Variants in TOX4 observed in about 807,000 individuals in gnomAD.
TOX4 encodes epidermal Langerhans cell protein LCP1.
TOX4 carries 12 observed loss-of-function variants against 61.0 expected under a neutral mutation model. The observed-to-expected ratio is 0.20, with a 90% CI of 0.13 to 0.32. The LOEUF is 0.32. Ranked by LOEUF, TOX4 falls within the 10% of genes least tolerant of loss-of-function variation. TOX4 has a pLI of 1.00. For missense variants in TOX4, 499 were observed against 753.3 expected, an observed-to-expected ratio of 0.66 and a Z score of 3.95; for synonymous variants, 268 against 274.8, an observed-to-expected ratio of 0.98 and a Z score of 0.24.
intron 7 of TOX4, 131 bp downstream of exon 7, chr14:21,493,388 G>C: frequency 1.1e-6 from 1 of 949,538 alleles, no homozygotes; most frequent in Non-Finnish European, 1.5e-6. Context: ...TCCTGCAGAT[G>C]GGAGTTCCTT....
chr14:21,495,526 C>T (rs1181702203), intron 8 of TOX4, 134 bp downstream of exon 8: 1 of 1,021,352 alleles, frequency 9.8e-7, no homozygotes, highest in Non-Finnish European at 1.4e-6. Context: ...ATCTGGTCTA[C>T]TAGAAAAGCT....
chr14:21,487,794 T>A lies in TOX4; in HGVS notation c.318+101T>A, dbSNP rs75016735. 504 of 1,355,310 alleles carry A rather than the reference T, an allele frequency of 3.7e-4. 1 individual carries two copies. The African/African-American group carries it at 3.7e-3, about 10-fold the overall frequency. 84.0% of individuals were successfully genotyped at this position (1,355,310 alleles called of 1,614,324 possible). ...CTGCTACACTTGGGTATTACTTGTTTCTCTTCTTGTGGCTAAAGGCTCACC... is the reference window on the plus strand; with the variant it reads ...CTGCTACACTTGGGTATTACTTGTTACTCTTCTTGTGGCTAAAGGCTCACC... On this transcript the variant is annotated intron_variant, in intron 3 of 8. Transcript: ENST00000448790.
chr14:21,480,224 TTATAA>T (rs200704228), intron 2 of TOX4, among the ~76,000 whole-genome samples: 2,359 of 152,272 alleles, frequency 0.015, 16 homozygotes, highest in Middle Eastern at 0.024. Context: ...ACAAGTAATA[TTATAA>T]TAAAAAAGAA....
Position 21,488,833 on chromosome 14 carries a change from GT to G in TOX4, c.564del (p.Glu189ArgfsTer96). ...SPTSSLHEDG[V>X]EDFRRQLPSQ... Reference sequence around the variant, plus strand: ...TACTAGTTCACTTCACGAGGATGGTGTTGAGGATTTCCGGAGGGTGAGGCAT... The same window carrying G: ...TACTAGTTCACTTCACGAGGATGGTGTGAGGATTTCCGGAGGGTGAGGCAT... On this transcript the variant is annotated frameshift_variant, in exon 4 of 9. Coordinates refer to ENST00000448790, the MANE Select transcript of TOX4 (RefSeq NM_014828.4). LOFTEE classifies it high-confidence loss of function. 1.9e-6 allele frequency: 3 copies of G among 1,614,018 alleles called. No individual in the cohort carries two copies. The highest frequency in any genetic ancestry group is 2.5e-6 in the Non-Finnish European group (3 of 1,179,862).
At chr14:21,487,917 T>C in intron 3 of TOX4, 1 of 474,448 alleles carries the variant, frequency 2.1e-6, no homozygotes. Flanking sequence ...GGTTTGAAAA[T>C]TATTTATTGT....
intron 5 of TOX4, among the ~76,000 whole-genome samples, chr14:21,491,656 C>T (rs1891293016): frequency 6.6e-6 from 1 of 150,810 alleles, no homozygotes; most frequent in Admixed American, 6.6e-5. Context: ...AGCCACCGCA[C>T]CTGGCAGATT....
chr14:21,495,400 T>A lies in TOX4; in HGVS notation c.1805+8T>A. The stretch of plus-strand genomic sequence containing the variant: ...TGTGGTGAAGCACTGCAGGTGAGCT[T>A]ACAGTTCTCCCTTTTATAATTCAGC... On this transcript the variant is annotated splice_region_variant and intron_variant, in intron 8 of 8. Transcript: ENST00000448790. 6.2e-7 allele frequency: 1 copy of A among 1,609,022 alleles called. No individual in the cohort carries two copies. The highest frequency in any genetic ancestry group is 8.5e-7 in the Non-Finnish European group (1 of 1,177,140).
chr14:21,483,419 A>G (rs1802969806), intron 2 of TOX4, among the ~76,000 whole-genome samples: 1 of 144,520 alleles, frequency 6.9e-6, no homozygotes, highest in South Asian at 2.1e-4. Context: ...AGAATTTGGT[A>G]AAAATCTTTG....
intron 2 of TOX4, chr14:21,482,722 G>T: frequency 6.9e-6 from 2 of 289,906 alleles, no homozygotes; most frequent in South Asian, 3.1e-5. Flanking sequence ...AGTGTGATCT[G>T]GTTATGTAAT....
Position 21,491,082 on chromosome 14 carries a change from C to T in TOX4, c.811-1214C>T, listed in dbSNP as rs545789559. 3.3e-4 allele frequency among the ~76,000 whole-genome samples: 50 copies of T among 152,372 alleles called. No homozygotes were observed. In the Middle Eastern group the frequency reaches 0.01, roughly 31 times the overall value. On this transcript the variant is annotated intron_variant, in intron 5 of 8. Transcript: ENST00000448790. Reference sequence around the variant, plus strand: ...TCAGGTGATCCGCCTGCCTTGTCCTCCCAACGTGCTGGGATTACAGGTGTG... The same window carrying T: ...TCAGGTGATCCGCCTGCCTTGTCCTTCCAACGTGCTGGGATTACAGGTGTG...
chr14:21,492,265 T>A, intron 5 of TOX4, 31 bp from the exon 6 acceptor site: 1 of 1,521,532 alleles, frequency 6.6e-7, no homozygotes, highest in Non-Finnish European at 9.0e-7. Context: ...TGGGGAGTTT[T>A]GTTTTTTTTT....
rs1180737266 is a variant in TOX4, at chr14:21,492,666, T to C, written c.1050T>C (p.Tyr350=). Residue 350 remains tyrosine, a synonymous_variant, in exon 7 of 9, where the codon TAT becomes TAC. Coordinates refer to ENST00000448790, the MANE Select transcript of TOX4 (RefSeq NM_014828.4). The stretch of plus-strand genomic sequence containing the variant: ...TTGTTAACTCCACCCTTTCATCCTA[T>C]GTGGCAAACCAGGCATCTTCTGGAG... ...SIVVNSTLSS[Y]VANQASSGAG... The C allele has an allele frequency of 1.7e-5, 28 of 1,613,928 alleles. No individual in the cohort carries two copies. Among genetic ancestry groups the C allele is most frequent in the Non-Finnish European group, 2.3e-5 (27 of 1,180,026 alleles).
Position 21,493,176 on chromosome 14 carries a change from G to A in TOX4, c.1560G>A (p.Met520Ile). The A allele has an allele frequency of 1.2e-6, 2 of 1,614,154 alleles. No homozygotes were observed. The highest frequency in any genetic ancestry group is 1.1e-5 in the South Asian group (1 of 91,068). Residue 520 changes from methionine (M) to isoleucine (I), a missense_variant, in exon 7 of 9, where the codon ATG (methionine) becomes ATA (isoleucine). Physicochemically the swap from Met to Ile is conservative, Grantham distance 10 (BLOSUM62 1). Coordinates refer to ENST00000448790, the MANE Select transcript of TOX4 (RefSeq NM_014828.4). Reference sequence around the variant, plus strand: ...TGGAAAGTAGTCCTGAGCGGCCTATGAACAACAGCCCTGAGGCCCATACAG... The same window carrying A: ...TGGAAAGTAGTCCTGAGCGGCCTATAAACAACAGCCCTGAGGCCCATACAG... ...PTVESSPERP[M>I]NNSPEAHTVE...
Position 21,496,746 on chromosome 14 carries a change from T to C in TOX4, c.*140T>C. 3 of 700,596 alleles carry C rather than the reference T, an allele frequency of 4.3e-6. No individual in the cohort carries two copies. The highest frequency in any genetic ancestry group is 7.2e-6 in the Non-Finnish European group (3 of 414,826). The allele number at this position is 700,596 out of a possible 1,614,324, so 43.4% of individuals were successfully genotyped here. ...GTTCATGTTTCACCCCTTTTCTTCC[T>C]TCAGCAGAGGCCAGGCTATGGAGCA... On this transcript the variant is annotated 3_prime_UTR_variant, in exon 9 of 9. Transcript: ENST00000448790.
rs371287111 is a variant in TOX4 at position 21,499,158 on chromosome 14, G to T, written c.*2552G>T. 6.3e-7 allele frequency: 1 copy of T among 1,598,160 alleles called. No individual in the cohort carries two copies. The highest frequency in any genetic ancestry group is 8.6e-7 in the Non-Finnish European group (1 of 1,165,522). On this transcript the variant is annotated 3_prime_UTR_variant, in exon 9 of 9. Transcript: ENST00000448790. ...CGAACCTAGGAAATAAAAACTAGCT[G>T]CTTTTTAAGTTACACAAGATTGCAA...
chr14:21,490,225 T>C (rs1891262356), intron 5 of TOX4, among the ~76,000 whole-genome samples: 1 of 151,764 alleles, frequency 6.6e-6, no homozygotes, highest in Admixed American at 6.6e-5. Flanking sequence ...CGCCTGTTAA[T>C]CCCAGCACTT....
intron 2 of TOX4, among the ~76,000 whole-genome samples, chr14:21,480,139 G>T (rs984974636): frequency 2.6e-5 from 4 of 152,076 alleles, no homozygotes; most frequent in African/African-American, 4.8e-5. Flanking sequence ...GGACAGAAGT[G>T]GTTCCTTTTC....
chr14:21,496,091 G>A (rs560753571), intron 8 of TOX4: 1 of 156,188 alleles, frequency 6.4e-6, no homozygotes, highest in Admixed American at 6.3e-5. Flanking sequence ...GGCACCTGTA[G>A]TCCTGGCTAC....
intron 8 of TOX4, chr14:21,496,180 C>G (rs1172861858): frequency 1.8e-5 from 3 of 166,600 alleles, no homozygotes; most frequent in African/African-American, 7.6e-5. Context: ...CGCCACTGCA[C>G]TCCAGCCTGG....
Sources: gnomAD v4.1 joint callset for allele counts (sites outside exome capture counted in the v4.1 genomes callset) on GRCh38, gnomAD v4.1.1 for gene constraint, MANE v1.5 for transcripts, NCBI Gene and HGNC (gene_info 2026-07-23, HGNC 2026-07-21) for gene names.